The following CACNA1D variants were observed in gnomAD, a reference collection of about 807,000 sequenced individuals.
CACNA1D encodes calcium voltage-gated channel subunit alpha1 D, also known as voltage-dependent L-type calcium channel subunit alpha-1D.
CACNA1D carries 55 observed loss-of-function variants against 257.1 expected under a neutral mutation model. That is an observed-to-expected ratio of 0.21 (90% CI 0.17 to 0.27). CACNA1D has a LOEUF of 0.27. Among genes scored for constraint, CACNA1D ranks in the 10% least tolerant of loss-of-function variants. CACNA1D has a pLI of 1.00. For synonymous variants in CACNA1D, 980 were observed against 1,014.9 expected, an observed-to-expected ratio of 0.97 and a Z score of 0.65; for missense variants, 1,876 against 2,784.0, an observed-to-expected ratio of 0.67 and a Z score of 7.34.
intron 3 of CACNA1D, among the ~76,000 whole-genome samples, chr3:53,514,356 G>A (rs901968936): frequency 9.9e-5 from 15 of 151,926 alleles, no homozygotes; most frequent in South Asian, 2.1e-4. Context: ...GAGACCATGG[G>A]GGAGCTGACG....
chr3:53,536,858 A>T (rs1205352829), intron 3 of CACNA1D, among the ~76,000 whole-genome samples: 1 of 152,182 alleles, frequency 6.6e-6, no homozygotes, highest in Non-Finnish European at 1.5e-5. Context: ...TTACAGAAAA[A>T]GTTTGCCAAT....
At chr3:53,669,932 C>T (rs1027088859) in intron 7 of CACNA1D, among the ~76,000 whole-genome samples, 1 of 152,202 alleles carries the variant, frequency 6.6e-6, no homozygotes, top group South Asian at 2.1e-4. Context: ...AATAAACTTA[C>T]ATGATTTAAT....
At position 53,774,298 on chromosome 3, in the gene CACNA1D, C is replaced by A. The variant is rs1490827218; in HGVS notation, c.4111-289C>A. 3 of 419,910 alleles carry A rather than the reference C, an allele frequency of 7.1e-6. No homozygotes were observed. The highest frequency in any genetic ancestry group is 1.3e-5 in the Non-Finnish European group (3 of 224,742). The allele number at this position is 419,910 out of a possible 1,614,324, so 26.0% of individuals were successfully genotyped here. Reference sequence around the variant, plus strand: ...CGCTTCCCTGTGTGTCTGGACCACCCCAGCATCATCACTGGGGTTTGATGT... The same window carrying A: ...CGCTTCCCTGTGTGTCTGGACCACCACAGCATCATCACTGGGGTTTGATGT... On this transcript the variant is annotated intron_variant, in intron 33 of 47. Transcript: ENST00000350061. The surrounding 1 kb of genome is among the most constrained non-coding windows in gnomAD (Gnocchi z 4.3).
intron 3 of CACNA1D, among the ~76,000 whole-genome samples, chr3:53,631,429 C>T (rs1216891258): frequency 6.6e-6 from 1 of 152,224 alleles, no homozygotes; most frequent in Non-Finnish European, 1.5e-5. Context: ...TCAATCTTCA[C>T]TTCTAATACT....
At chr3:53,701,059 T>C (rs539434891) in intron 8 of CACNA1D, among the ~76,000 whole-genome samples, 1 of 152,054 alleles carries the variant, frequency 6.6e-6, no homozygotes, top group Non-Finnish European at 1.5e-5. Flanking sequence ...TCACTGGGTG[T>C]GCAAGCATCT....
chr3:53,622,110 C>T (rs966929202), intron 3 of CACNA1D, among the ~76,000 whole-genome samples: 1 of 151,664 alleles, frequency 6.6e-6, no homozygotes. Context: ...TGCAGTGACA[C>T]GATAATCTCA....
Position 53,673,686 on chromosome 3 carries a change from G to A in CACNA1D, c.1220+560G>A. The A allele has an allele frequency of 6.6e-7, 1 of 1,524,212 alleles. No homozygotes were observed. The highest frequency in any genetic ancestry group is 9.1e-7 in the Non-Finnish European group (1 of 1,097,824). 94.4% of individuals were successfully genotyped at this position (1,524,212 alleles called of 1,614,324 possible). A position where few individuals can be genotyped will look rare whatever the true frequency, so the allele number is the denominator to read the frequency against. On this transcript the variant is annotated intron_variant, in intron 8 of 47. Transcript: ENST00000350061. This position sits in a 1 kb window ranked among gnomAD's most constrained non-coding sequence, Gnocchi z 4.1. ...TCTGCTCTTTAGTAAATGGATAACT[G>A]ATAACTGATCTCCTTACATTTTACA...
Position 53,808,720 on chromosome 3 carries a change from C to G in CACNA1D, c.5821C>G (p.Pro1941Ala). The part of the protein sequence containing the change: ...QSSQEEVPSS[P>A]IFPHRTALPL... ...CAGCCAGGAAGAGGTCCCGTCGTCTCCCATCTTCCCCCATCGCACGGCCCT... is the reference window on the plus strand; with the variant it reads ...CAGCCAGGAAGAGGTCCCGTCGTCTGCCATCTTCCCCCATCGCACGGCCCT... The change falls in exon 46 of 48, where the codon CCC becomes GCC. Residue 1941 changes from proline (P) to alanine (A), a missense_variant. This residue lies in a region of CACNA1D where 491 missense variants were observed against 554.3 expected (regional missense o/e 0.89). Coordinates refer to ENST00000350061, the MANE Select transcript of CACNA1D (RefSeq NM_001128840.3). The G allele has an allele frequency of 6.2e-7, 1 of 1,608,888 alleles. No individual in the cohort carries two copies. The highest frequency in any genetic ancestry group is 8.5e-7 in the Non-Finnish European group (1 of 1,179,958).
At chr3:53,563,612 A>C (rs1161338081) in intron 3 of CACNA1D, among the ~76,000 whole-genome samples, 1 of 151,908 alleles carries the variant, frequency 6.6e-6, no homozygotes, top group South Asian at 2.1e-4. Flanking sequence ...ATTCCTCAGC[A>C]ACACTTTAAT....
At chr3:53,737,316 G>T (rs1278579246) in intron 20 of CACNA1D, among the ~76,000 whole-genome samples, 2 of 152,198 alleles carry the variant, frequency 1.3e-5, no homozygotes, top group African/African-American at 4.8e-5. Context: ...TACTGAATTT[G>T]TGCAGATTTT....
At chr3:53,630,671 A>T (rs1325370547) in intron 3 of CACNA1D, among the ~76,000 whole-genome samples, 1 of 152,216 alleles carries the variant, frequency 6.6e-6, no homozygotes, top group Non-Finnish European at 1.5e-5. Context: ...GGGAACAAAG[A>T]ATGCCAGTTC....
chr3:53,697,709 G>A (rs2108562682), intron 8 of CACNA1D, among the ~76,000 whole-genome samples: 1 of 152,200 alleles, frequency 6.6e-6, no homozygotes, highest in South Asian at 2.1e-4. Flanking sequence ...CATAAGACAT[G>A]TGGACTGATT....
At chr3:53,511,736 A>G (rs988117343) in intron 3 of CACNA1D, among the ~76,000 whole-genome samples, 4 of 152,196 alleles carry the variant, frequency 2.6e-5, no homozygotes, top group African/African-American at 9.7e-5. Flanking sequence ...TTATTTAATC[A>G]TTCATAAAGT....
rs1576686854 is a variant in CACNA1D, at chr3:53,793,993, T to C, written c.4924-6256T>C. Among the ~76,000 whole-genome samples the C allele has an allele frequency of 6.6e-6, 1 of 152,226 alleles. No homozygotes were observed. Among genetic ancestry groups the C allele is most frequent in the Non-Finnish European group, 1.5e-5 (1 of 68,040 alleles). ...GGATAGAAGATGAGAGGCAGGCCAGTATACATTGTAGGGAGGCTCTTCTCA... is the reference window on the plus strand; with the variant it reads ...GGATAGAAGATGAGAGGCAGGCCAGCATACATTGTAGGGAGGCTCTTCTCA... On this transcript the variant is annotated intron_variant, in intron 40 of 47. Transcript: ENST00000350061. This position sits in a 1 kb window ranked among gnomAD's most constrained non-coding sequence, Gnocchi z 4.1.
At chr3:53,707,160 G>A (rs1269506992) in intron 9 of CACNA1D, among the ~76,000 whole-genome samples, 1 of 151,908 alleles carries the variant, frequency 6.6e-6, no homozygotes, top group African/African-American at 2.4e-5. Context: ...TTTTCTCTCT[G>A]ATCTGCTAAA....
chr3:53,749,954 C>G (rs187208466), intron 27 of CACNA1D, among the ~76,000 whole-genome samples: 2 of 152,314 alleles, frequency 1.3e-5, no homozygotes, highest in East Asian at 3.9e-4. Context: ...CTGTTAGATG[C>G]CAATGGTTCG....
chr3:53,800,339 C>T lies in CACNA1D; in HGVS notation c.5014C>T (p.Arg1672Ter). ...LQDDEPEETK[R>*]EEEDDVFKRN... is the part of the protein sequence containing the mutation. ...AGATGACGAGCCTGAGGAAACAAAA[C>T]GAGAAGAAGAAGATGATGTGTTCAA... The change falls in exon 41 of 48, where the codon CGA becomes TGA. Residue 1672 changes from arginine to a stop codon, truncating the protein, a stop_gained. Coordinates refer to ENST00000350061, the MANE Select transcript of CACNA1D (RefSeq NM_001128840.3). LOFTEE classifies it high-confidence loss of function. The surrounding 1 kb of genome is among the most constrained non-coding windows in gnomAD (Gnocchi z 4.3). 1.2e-6 allele frequency: 2 copies of T among 1,611,898 alleles called. No homozygotes were observed. The highest frequency in any genetic ancestry group is 1.7e-6 in the Non-Finnish European group (2 of 1,177,956).
At chr3:53,563,533 C>CAAA (rs34553768) in intron 3 of CACNA1D, among the ~76,000 whole-genome samples, 3 of 95,562 alleles carry the variant, frequency 3.1e-5, no homozygotes, top group Non-Finnish European at 6.1e-5. Context: ...GACTCTGTCT[C>CAAA]AAAAAAAAAA....
intron 32 of CACNA1D, among the ~76,000 whole-genome samples, chr3:53,770,907 C>G (rs1394288300): frequency 6.6e-6 from 1 of 152,226 alleles, no homozygotes; most frequent in Non-Finnish European, 1.5e-5. Flanking sequence ...CCAACAGCCT[C>G]TCTCTGACAC....
Sources: gnomAD v4.1 joint callset for allele counts (sites outside exome capture counted in the v4.1 genomes callset) on GRCh38, gnomAD v4.1.1 for gene constraint, gnomAD v4.1.1 regional missense constraint, Gnocchi (gnomAD v3.1) non-coding constraint, MANE v1.5 for transcripts, NCBI Gene and HGNC (gene_info 2026-07-23, HGNC 2026-07-21) for gene names.